Variants in RAB11FIP4 observed in about 807,000 individuals in gnomAD.
The protein encoded by RAB11FIP4 is rab11 family-interacting protein 4.
RAB11FIP4 carries 23 observed loss-of-function variants against 74.3 expected under a neutral mutation model. The observed-to-expected ratio is 0.31, with a 90% CI of 0.22 to 0.44. RAB11FIP4 has a LOEUF of 0.44. Ranked by LOEUF, RAB11FIP4 falls within the 20% of genes least tolerant of loss-of-function variation. The pLI is 1.00. For synonymous variants in RAB11FIP4, 360 were observed against 359.9 expected (o/e 1.00, Z 0.00); for missense variants, 630 against 863.9 (o/e 0.73, Z 3.39).
intron 3 of RAB11FIP4, among the ~76,000 whole-genome samples, chr17:31,491,573 G>A (rs1038390939): frequency 1.3e-5 from 2 of 152,236 alleles, no homozygotes; most frequent in African/African-American, 4.8e-5. Flanking sequence ...CAAGGGCCCT[G>A]AGGTGGGACG....
chr17:31,505,032 T>G (rs1013296), intron 3 of RAB11FIP4, among the ~76,000 whole-genome samples: 17,371 of 152,196 alleles, frequency 0.11, 1,311 homozygotes, highest in East Asian at 0.27. Context: ...TGATTTGAAT[T>G]GAGTTAAATA....
At chr17:31,458,687 C>T (rs1425924860) in intron 3 of RAB11FIP4, among the ~76,000 whole-genome samples, 1 of 152,206 alleles carries the variant, frequency 6.6e-6, no homozygotes, top group Admixed American at 6.5e-5. Context: ...GGCCTCCCAG[C>T]ACAGAGGTGG....
Position 31,535,406 on chromosome 17 carries a change from G to A in RAB11FIP4, c.*3674G>A, listed in dbSNP as rs1437206949. ...ACCCCCAGAGGTTCGGATTGAATTG[G>A]TGTGGGGTGTGGTCCAGGCATCGAG... On this transcript the variant is annotated 3_prime_UTR_variant, in exon 15 of 15. Coordinates refer to ENST00000621161, the MANE Select transcript of RAB11FIP4 (RefSeq NM_032932.6). The A allele has an allele frequency of 6.6e-6, 1 of 152,212 alleles. No individual in the cohort carries two copies. Among genetic ancestry groups the A allele is most frequent in the East Asian group, 1.9e-4 (1 of 5,198 alleles). The allele number at this position is 152,212 out of a possible 1,614,324, so 9.4% of individuals were successfully genotyped here. A position where few individuals can be genotyped will look rare whatever the true frequency, so the allele number is the denominator to read the frequency against.
At chr17:31,473,792 T>C (rs1215437354) in intron 3 of RAB11FIP4, among the ~76,000 whole-genome samples, 1 of 152,136 alleles carries the variant, frequency 6.6e-6, no homozygotes, top group Non-Finnish European at 1.5e-5. Flanking sequence ...GTGGTAAGCA[T>C]GTTAATTTGA....
chr17:31,528,245 G>T (rs2072802363), intron 11 of RAB11FIP4, among the ~76,000 whole-genome samples, 161 bp from the exon 12 acceptor site: 1 of 152,210 alleles, frequency 6.6e-6, no homozygotes, highest in Non-Finnish European at 1.5e-5. Flanking sequence ...TCGGGGCTCT[G>T]GCCGTTTCTG....
intron 3 of RAB11FIP4, among the ~76,000 whole-genome samples, chr17:31,480,033 G>T (rs1327229544): frequency 6.6e-6 from 1 of 152,102 alleles, no homozygotes; most frequent in African/African-American, 2.4e-5. Context: ...TACAAAGTTG[G>T]TTGTACTCTC....
intron 1 of RAB11FIP4, among the ~76,000 whole-genome samples, chr17:31,400,081 G>T (rs879347405): frequency 6.6e-6 from 1 of 151,812 alleles, no homozygotes; most frequent in Non-Finnish European, 1.5e-5. Context: ...TTAACATCTT[G>T]GGTACCTACT....
At chr17:31,529,011 G>T (rs1321922389) in intron 13 of RAB11FIP4, among the ~76,000 whole-genome samples, 1 of 152,114 alleles carries the variant, frequency 6.6e-6, no homozygotes, top group Non-Finnish European at 1.5e-5. Context: ...GGTGCTCAGG[G>T]TGGAGGATGA....
At chr17:31,395,215 A>T (rs1597893274) in intron 1 of RAB11FIP4, among the ~76,000 whole-genome samples, 1 of 152,314 alleles carries the variant, frequency 6.6e-6, no homozygotes, top group East Asian at 1.9e-4. Context: ...GCCATAATGA[A>T]ATATATATAT....
chr17:31,434,624 G>A (rs1278481595), intron 3 of RAB11FIP4, among the ~76,000 whole-genome samples: 1 of 152,158 alleles, frequency 6.6e-6, no homozygotes, highest in Admixed American at 6.5e-5. Flanking sequence ...CACGCCAGCT[G>A]CAGTTCTTCC....
At chr17:31,468,120 G>A (rs1346978524) in intron 3 of RAB11FIP4, among the ~76,000 whole-genome samples, 1 of 152,212 alleles carries the variant, frequency 6.6e-6, no homozygotes, top group Non-Finnish European at 1.5e-5. Context: ...GTCACGAGGG[G>A]TTGGGGGAGG....
At chr17:31,495,438 A>T (rs2072097799) in intron 3 of RAB11FIP4, among the ~76,000 whole-genome samples, 1 of 146,720 alleles carries the variant, frequency 6.8e-6, no homozygotes, top group Non-Finnish European at 1.5e-5. Context: ...GCAGCGATAC[A>T]ATCTTGGCTC....
At chr17:31,422,566 T>G (rs1053121655) in intron 1 of RAB11FIP4, among the ~76,000 whole-genome samples, 3 of 152,242 alleles carry the variant, frequency 2.0e-5, no homozygotes, top group African/African-American at 7.2e-5. Context: ...TGTATCTTCT[T>G]GGTGAGTTGA....
At chr17:31,420,513 G>A (rs1164076449) in intron 1 of RAB11FIP4, among the ~76,000 whole-genome samples, 2 of 152,034 alleles carry the variant, frequency 1.3e-5, no homozygotes, top group Non-Finnish European at 2.9e-5. Flanking sequence ...GATGACAGGT[G>A]TGAGCCACTG....
chr17:31,488,781 C>T (rs1313435922), intron 3 of RAB11FIP4, among the ~76,000 whole-genome samples: 1 of 150,724 alleles, frequency 6.6e-6, no homozygotes, highest in Non-Finnish European at 1.5e-5. Flanking sequence ...CTCTCCCCAG[C>T]CGAGAAGCTG....
intron 3 of RAB11FIP4, among the ~76,000 whole-genome samples, chr17:31,507,551 T>C (rs893691072): frequency 1.3e-5 from 2 of 152,228 alleles, no homozygotes; most frequent in African/African-American, 4.8e-5. Flanking sequence ...TATTTGTTTT[T>C]TTGCTATTGA....
intron 3 of RAB11FIP4, among the ~76,000 whole-genome samples, chr17:31,492,575 A>G (rs1449979700): frequency 1.3e-5 from 2 of 152,188 alleles, no homozygotes; most frequent in African/African-American, 2.4e-5. Context: ...ACTGGGTGGC[A>G]GGCTGCAGAG....
chr17:31,393,321 A>G (rs1051244629), intron 1 of RAB11FIP4, among the ~76,000 whole-genome samples: 1 of 152,184 alleles, frequency 6.6e-6, no homozygotes, highest in Admixed American at 6.5e-5. Flanking sequence ...CCGTTTTTCC[A>G]GTGGCTCCCA....
intron 4 of RAB11FIP4, among the ~76,000 whole-genome samples, chr17:31,519,908 T>C (rs71375449): frequency 6.6e-6 from 1 of 151,232 alleles, no homozygotes; most frequent in Non-Finnish European, 1.5e-5. Context: ...AGGCCAGGAG[T>C]TTGAGACCAG....
Sources: allele counts gnomAD v4.1 joint callset (sites outside exome capture counted in the v4.1 genomes callset), GRCh38; gene constraint gnomAD v4.1.1; transcripts MANE v1.5; gene names NCBI Gene and HGNC (gene_info 2026-07-23, HGNC 2026-07-21).